The following LSAMP variants were observed in gnomAD, a reference collection of about 807,000 sequenced individuals.
LSAMP encodes the protein limbic system associated membrane protein.
Under a neutral mutation model 38.6 loss-of-function variants are expected in LSAMP, and 7 were observed. The ratio of observed to expected loss-of-function variants is 0.18; its 90% CI spans 0.10 to 0.34. The LOEUF is 0.34. LSAMP is among the 10% of genes least tolerant of loss of function. The pLI is 1.00. For missense variants in LSAMP, 313 were observed against 420.0 expected, an observed-to-expected ratio of 0.75 and a Z score of 2.23; for synonymous variants, 154 against 166.8, an observed-to-expected ratio of 0.92 and a Z score of 0.59.
At chr3:116,194,181 T>C (rs182424789) in intron 1 of LSAMP, among the ~76,000 whole-genome samples, 2 of 152,230 alleles carry the variant, frequency 1.3e-5, no homozygotes, top group East Asian at 3.9e-4. Context: ...GATTTTTCCA[T>C]GTAAACTAGT....
intron 3 of LSAMP, among the ~76,000 whole-genome samples, chr3:115,913,886 T>C (rs1446523370): frequency 6.6e-6 from 1 of 152,142 alleles, no homozygotes; most frequent in Non-Finnish European, 1.5e-5. Context: ...GAATGAACCA[T>C]GTATTAAACG....
intron 3 of LSAMP, among the ~76,000 whole-genome samples, chr3:115,883,519 T>C (rs1191069459): frequency 6.6e-6 from 1 of 152,048 alleles, no homozygotes; most frequent in Admixed American, 6.6e-5. Flanking sequence ...ATAATCACTC[T>C]GAATGCACTG....
At chr3:116,297,919 C>T (rs2047357522) in intron 1 of LSAMP, among the ~76,000 whole-genome samples, 1 of 152,110 alleles carries the variant, frequency 6.6e-6, no homozygotes, top group Non-Finnish European at 1.5e-5. Context: ...TGACCAACAC[C>T]CTTTCTCCTC....
chr3:115,936,738 T>C (rs1370349204), intron 3 of LSAMP, among the ~76,000 whole-genome samples: 1 of 152,136 alleles, frequency 6.6e-6, no homozygotes, highest in African/African-American at 2.4e-5. Context: ...TAAACATTTT[T>C]AGATTAAGGT....
intron 1 of LSAMP, among the ~76,000 whole-genome samples, chr3:116,419,704 G>C (rs1403543666): frequency 9.9e-5 from 15 of 152,146 alleles, no homozygotes; most frequent in Non-Finnish European, 1.5e-5. Context: ...GCAGGGAAAA[G>C]ATAAGAAACC....
chr3:116,381,532 A>G (rs2048558638), intron 1 of LSAMP, among the ~76,000 whole-genome samples: 1 of 152,102 alleles, frequency 6.6e-6, no homozygotes, highest in South Asian at 2.1e-4. Flanking sequence ...CTATCTTAAA[A>G]TGACAAGAGA....
At chr3:116,207,539 G>C (rs940995563) in intron 1 of LSAMP, among the ~76,000 whole-genome samples, 4 of 151,556 alleles carry the variant, frequency 2.6e-5, no homozygotes, top group Non-Finnish European at 4.4e-5. Context: ...GCAGCGGCTG[G>C]TCCCGGTTGT....
In LSAMP at chr3:115,807,647, C is replaced by G. The variant is rs1360588939; in HGVS notation, c.*2670G>C. ...AACATCCAACTTAACTCCTACTTTTCTCTTCCTGTATATCTTTAAATTAGC... is the reference window on the plus strand; with the variant it reads ...AACATCCAACTTAACTCCTACTTTTGTCTTCCTGTATATCTTTAAATTAGC... On this transcript the variant is annotated 3_prime_UTR_variant, in exon 7 of 7. Transcript: ENST00000490035. 6.6e-6 allele frequency: 1 copy of G among 152,190 alleles called. No individual in the cohort carries two copies. The highest frequency in any genetic ancestry group is 1.5e-5 in the Non-Finnish European group (1 of 68,040). The allele number at this position is 152,190 out of a possible 1,614,324, so 9.4% of individuals were successfully genotyped here.
rs1270201793 is a variant in LSAMP at position 115,856,068 on chromosome 3, G to A, written c.515-3451C>T. 3.9e-5 allele frequency among the ~76,000 whole-genome samples: 6 copies of A among 152,178 alleles called. No individual in the cohort carries two copies. In the South Asian group the frequency reaches 1.2e-3, roughly 31 times the overall value. On this transcript the variant is annotated intron_variant, in intron 3 of 6. Transcript: ENST00000490035. ...GCTTTTCTGTTGTTGGAAAGCCAAA[G>A]CTCCAGATTGTAAGTGTTGCAGGGA... is the stretch of plus-strand genomic sequence containing the variant.
At chr3:116,044,440 G>A (rs550456712) in intron 2 of LSAMP, among the ~76,000 whole-genome samples, 9 of 152,078 alleles carry the variant, frequency 5.9e-5, no homozygotes, top group African/African-American at 2.2e-4. Context: ...CTCTGCAAGG[G>A]ACTCTGGGAT....
chr3:115,887,541 A>C (rs1224106522), intron 3 of LSAMP, among the ~76,000 whole-genome samples: 1 of 151,974 alleles, frequency 6.6e-6, no homozygotes, highest in Non-Finnish European at 1.5e-5. Flanking sequence ...ACTATATTGA[A>C]AGAATTCATG....
chr3:116,176,408 T>C (rs1029114950), intron 1 of LSAMP, among the ~76,000 whole-genome samples: 2 of 152,140 alleles, frequency 1.3e-5, no homozygotes, highest in African/African-American at 4.8e-5. Context: ...CCAAAGATTA[T>C]TGCAAATGGA....
At chr3:115,830,508 G>A (rs549994454) in intron 6 of LSAMP, among the ~76,000 whole-genome samples, 3 of 152,264 alleles carry the variant, frequency 2.0e-5, no homozygotes, top group South Asian at 4.1e-4. Context: ...AAAAGTGTGG[G>A]AGAAAGGTGC....
intron 1 of LSAMP, among the ~76,000 whole-genome samples, chr3:116,148,887 C>T (rs1709546728): frequency 1.3e-5 from 2 of 152,016 alleles, no homozygotes; most frequent in Non-Finnish European, 2.9e-5. Flanking sequence ...ACAGCACCTA[C>T]TCTCTGCTAT....
chr3:116,187,332 C>G (rs571495668), intron 1 of LSAMP, among the ~76,000 whole-genome samples: 1 of 152,022 alleles, frequency 6.6e-6, no homozygotes. Context: ...GATGGTAAAC[C>G]TAGCCCAGAA....
chr3:116,396,449 T>C (rs1391178470), intron 1 of LSAMP, among the ~76,000 whole-genome samples: 6 of 152,200 alleles, frequency 3.9e-5, no homozygotes, highest in African/African-American at 1.4e-4. Context: ...GATATCTATC[T>C]CCCATCTCTG....
chr3:116,380,692 A>T (rs893267223), intron 1 of LSAMP, among the ~76,000 whole-genome samples: 2 of 152,074 alleles, frequency 1.3e-5, no homozygotes, highest in Non-Finnish European at 2.9e-5. Context: ...TGCATTCTGG[A>T]CATTCTTCCA....
At chr3:115,981,302 G>GA (rs1939352770) in intron 3 of LSAMP, among the ~76,000 whole-genome samples, 1 of 152,076 alleles carries the variant, frequency 6.6e-6, no homozygotes, top group Non-Finnish European at 1.5e-5. Context: ...TTATTTCTCA[G>GA]TCAAGTCCTT....
intron 1 of LSAMP, among the ~76,000 whole-genome samples, chr3:116,141,890 G>T (rs1213015664): frequency 1.3e-5 from 2 of 151,950 alleles, no homozygotes; most frequent in Non-Finnish European, 2.9e-5. Flanking sequence ...GCAAGTGATT[G>T]TCTTTTGTTG....
Sources: gnomAD v4.1 joint callset for allele counts (sites outside exome capture counted in the v4.1 genomes callset) on GRCh38, gnomAD v4.1.1 for gene constraint, MANE v1.5 for transcripts, NCBI Gene and HGNC (gene_info 2026-07-23, HGNC 2026-07-21) for gene names.